PKIB: variants seen among roughly 807,000 people sequenced by gnomAD.
The protein encoded by PKIB is cAMP-dependent protein kinase inhibitor beta.
PKIB carries 2 observed loss-of-function variants against 4.5 expected under a neutral mutation model. That is an observed-to-expected ratio of 0.44 (90% CI 0.18 to 1.39). PKIB has a LOEUF of 1.39. Ranked by LOEUF, PKIB falls within the 40% of genes most tolerant of loss-of-function variation. The probability of loss-of-function intolerance (pLI) is 0.27; values close to 1 mark genes in which losing one functional copy is unlikely to be tolerated. For synonymous variants in PKIB, 38 were observed against 36.0 expected, an observed-to-expected ratio of 1.06 and a Z score of -0.20; for missense variants, 94 against 92.6, an observed-to-expected ratio of 1.02 and a Z score of -0.06.
intron 2 of PKIB, among the ~76,000 whole-genome samples, chr6:122,655,524 C>G (rs1021836593): frequency 1.3e-5 from 2 of 152,138 alleles, no homozygotes; most frequent in South Asian, 4.2e-4. Flanking sequence ...GCTGGTGCCT[C>G]CATCTTGGAC....
chr6:122,716,330 A>G (rs1220186180), intron 3 of PKIB, among the ~76,000 whole-genome samples: 1 of 152,192 alleles, frequency 6.6e-6, no homozygotes, highest in African/African-American at 2.4e-5. Flanking sequence ...GAACAATATC[A>G]CCTTCCAAGT....
At position 122,691,741 on chromosome 6, in the gene PKIB, T is replaced by C. The variant is rs76520568; in HGVS notation, c.-9+16597T>C. On this transcript the variant is annotated intron_variant, in intron 3 of 4. Transcript: ENST00000368452. ...TGAGGCCATGTTTTCCTGAATGTTT[T>C]TGATGCTTGTGGATGTTCATTGGTG... is the stretch of plus-strand genomic sequence containing the variant. 6.9e-3 allele frequency among the ~76,000 whole-genome samples: 1,050 copies of C among 152,266 alleles called. 10 individuals carry two copies. Among genetic ancestry groups the C allele is most frequent in the Non-Finnish European group, 9.8e-3 (665 of 68,016 alleles).
At chr6:122,643,934 A>G (rs1410505261) in intron 2 of PKIB, 2 of 152,134 alleles carry the variant, frequency 1.3e-5, no homozygotes, top group African/African-American at 4.8e-5. Flanking sequence ...AGTCTTTAGT[A>G]TATGTCAGTT....
chr6:122,481,365 C>A (rs772670648), intron 2 of PKIB: 17 of 152,062 alleles, frequency 1.1e-4, no homozygotes, highest in Non-Finnish European at 1.5e-4. Flanking sequence ...TAAAGGAAAC[C>A]AGAGACTTGA....
At chr6:122,503,113 T>G (rs1248099609) in intron 2 of PKIB, among the ~76,000 whole-genome samples, 2 of 152,156 alleles carry the variant, frequency 1.3e-5, no homozygotes, top group Non-Finnish European at 2.9e-5. Flanking sequence ...ACTAATTCTA[T>G]TCAGGAGGGC....
chr6:122,510,116 C>A (rs979707755), intron 2 of PKIB, among the ~76,000 whole-genome samples: 8 of 151,812 alleles, frequency 5.3e-5, no homozygotes, highest in African/African-American at 1.9e-4. Context: ...TAAATTTGAA[C>A]CTTTTGAGGC....
intron 2 of PKIB, among the ~76,000 whole-genome samples, chr6:122,576,710 A>ATATTTTTTT (rs59569106): frequency 6.1e-4 from 67 of 109,982 alleles, no homozygotes; most frequent in East Asian, 5.1e-3. Flanking sequence ...ATATATATAT[A>ATATTTTTTT]TTTTCTTTTG....
At chr6:122,510,315 CTGGAAATTGATTTTT>C (rs1453108343) in intron 2 of PKIB, among the ~76,000 whole-genome samples, 1 of 152,108 alleles carries the variant, frequency 6.6e-6, no homozygotes, top group African/African-American at 2.4e-5. Context: ...ATGTAACAAT[CTGGAAATTGATTTTT>C]AACAGTCTGG....
intron 3 of PKIB, among the ~76,000 whole-genome samples, chr6:122,696,525 C>T (rs1010496728): frequency 6.6e-6 from 1 of 152,252 alleles, no homozygotes; most frequent in East Asian, 1.9e-4. Context: ...GTATGTTCTT[C>T]GACCCTAGAA....
intron 2 of PKIB, among the ~76,000 whole-genome samples, chr6:122,636,002 C>A (rs1775904784): frequency 6.6e-6 from 1 of 152,084 alleles, no homozygotes; most frequent in Non-Finnish European, 1.5e-5. Flanking sequence ...ATATTTTCTT[C>A]ATTTTTCTTA....
intron 1 of PKIB, among the ~76,000 whole-genome samples, chr6:122,473,171 A>G (rs1775355508): frequency 6.6e-6 from 1 of 152,208 alleles, no homozygotes; most frequent in Non-Finnish European, 1.5e-5. Context: ...ATTATGCTAA[A>G]CTTAATACGT....
intron 3 of PKIB, chr6:122,701,623 AC>A: frequency 8.8e-7 from 1 of 1,140,214 alleles, no homozygotes. Context: ...TGTCTCAGGT[AC>A]CCTTGCCAAA....
intron 4 of PKIB, among the ~76,000 whole-genome samples, chr6:122,722,450 C>T (rs950342430): frequency 5.3e-5 from 8 of 152,060 alleles, no homozygotes; most frequent in African/African-American, 1.9e-4. Flanking sequence ...AAGATAACAA[C>T]TTAAGGGGAC....
intron 2 of PKIB, among the ~76,000 whole-genome samples, chr6:122,489,468 GAACTCCTCACCTCAAGTGATTC>G (rs1307616011): frequency 6.6e-6 from 1 of 152,102 alleles, no homozygotes; most frequent in Non-Finnish European, 1.5e-5. Context: ...GGCTGGTCTT[GAACTCCTCACCTCAAGTGATTC>G]AGCTGCCTCA....
chr6:122,724,729 A>G (rs1779887148), intron 4 of PKIB, among the ~76,000 whole-genome samples: 1 of 152,192 alleles, frequency 6.6e-6, no homozygotes, highest in Admixed American at 6.5e-5. Context: ...AGTGTGAAGA[A>G]GCTGGGGAGA....
Position 122,625,583 on chromosome 6 carries a change from A to T in PKIB, c.-160-7700A>T, listed in dbSNP as rs192818375. Among the ~76,000 whole-genome samples, 5 of 152,270 alleles carry T rather than the reference A, an allele frequency of 3.3e-5. No homozygotes were observed. The East Asian group carries it at 7.7e-4, about 23-fold the overall frequency. On this transcript the variant is annotated intron_variant, in intron 1 of 4. Transcript: ENST00000368452. ...AACCTGAGAGGCGGAGGTTGCAGTGAGCTGAGATTGCCCCACTGCACTCCA... is the reference window on the plus strand; with the variant it reads ...AACCTGAGAGGCGGAGGTTGCAGTGTGCTGAGATTGCCCCACTGCACTCCA...
intron 2 of PKIB, chr6:122,483,393 G>A (rs1775681423): frequency 1.3e-5 from 2 of 152,102 alleles, no homozygotes; most frequent in Admixed American, 1.3e-4. Context: ...ACAATTATCT[G>A]CCACATATCA....
At chr6:122,571,194 A>G (rs1773357233) in intron 2 of PKIB, among the ~76,000 whole-genome samples, 1 of 152,164 alleles carries the variant, frequency 6.6e-6, no homozygotes, top group Admixed American at 6.5e-5. Flanking sequence ...CCAATCAGAC[A>G]AAGATAAAGA....
At chr6:122,591,195 G>GACAC (rs553441395) in intron 3 of PKIB, among the ~76,000 whole-genome samples, 1 of 149,962 alleles carries the variant, frequency 6.7e-6, no homozygotes, top group African/African-American at 2.5e-5. Flanking sequence ...CCTATCTCTC[G>GACAC]ACACACACAC....
Sources: gnomAD v4.1 joint callset for allele counts (sites outside exome capture counted in the v4.1 genomes callset) on GRCh38, gnomAD v4.1.1 for gene constraint, MANE v1.5 for transcripts, NCBI Gene and HGNC (gene_info 2026-07-23, HGNC 2026-07-21) for gene names.